Variants in SYNPR observed in about 807,000 individuals in gnomAD.
SYNPR encodes synaptoporin.
Under a neutral mutation model 32.9 loss-of-function variants are expected in SYNPR, and 23 were observed. The ratio of observed to expected loss-of-function variants is 0.70; its 90% CI spans 0.50 to 0.99. The LOEUF is 0.99. Ranked by LOEUF, SYNPR falls within the 50% of genes least tolerant of loss-of-function variation. The pLI, the probability that SYNPR is intolerant of heterozygous loss-of-function variation, is 0.00. For missense variants in SYNPR, 318 were observed against 349.3 expected, an observed-to-expected ratio of 0.91 and a Z score of 0.71; for synonymous variants, 146 against 135.9, an observed-to-expected ratio of 1.07 and a Z score of -0.52.
At chr3:63,487,674 T>C (rs2106709425) in intron 3 of SYNPR, among the ~76,000 whole-genome samples, 1 of 152,326 alleles carries the variant, frequency 6.6e-6, no homozygotes, top group South Asian at 2.1e-4. Context: ...CTTTTAACTA[T>C]TTAATGTTTA....
rs181022903 is a variant in SYNPR at position 63,408,486 on chromosome 3, A to T, written c.85-72346A>T. On this transcript the variant is annotated intron_variant, in intron 2 of 5. Coordinates refer to ENST00000478300, the MANE Select transcript of SYNPR (RefSeq NM_001130003.2). ...CTGGAGAACCAGGGAAGCTGGTAGTATGTCTCAATCTAAGTCTGAAGGCTT... is the reference window on the plus strand; with the variant it reads ...CTGGAGAACCAGGGAAGCTGGTAGTTTGTCTCAATCTAAGTCTGAAGGCTT... Among the ~76,000 whole-genome samples, 8 of 152,216 alleles carry T rather than the reference A, an allele frequency of 5.3e-5. No individual in the cohort carries two copies. In the East Asian group the frequency reaches 1.6e-3, roughly 30 times the overall value.
intron 2 of SYNPR, chr3:63,443,354 T>C: frequency 6.5e-7 from 1 of 1,543,188 alleles, no homozygotes; most frequent in African/African-American, 1.4e-5. Context: ...GACAAGTGGC[T>C]GGTGCTGTGG....
chr3:63,520,636 G>A (rs1000700647), intron 3 of SYNPR, among the ~76,000 whole-genome samples: 2 of 149,758 alleles, frequency 1.3e-5, no homozygotes, highest in African/African-American at 4.9e-5. Flanking sequence ...TTGTGCCACT[G>A]CACTCCAGCC....
intron 2 of SYNPR, among the ~76,000 whole-genome samples, chr3:63,346,695 T>C (rs193043677): frequency 0.01 from 1,544 of 152,192 alleles, 16 homozygotes; most frequent in South Asian, 0.03. Flanking sequence ...ACAGTCTTGA[T>C]CTCCTGACCT....
intron 2 of SYNPR, among the ~76,000 whole-genome samples, chr3:63,303,032 TA>T (rs944115813): frequency 2.0e-5 from 3 of 151,852 alleles, no homozygotes; most frequent in Non-Finnish European, 4.4e-5. Flanking sequence ...AAAAATTAAA[TA>T]AAAAAATTAA....
chr3:63,281,426 A>G (rs1283750903), intron 2 of SYNPR, among the ~76,000 whole-genome samples: 1 of 152,230 alleles, frequency 6.6e-6, no homozygotes, highest in Non-Finnish European at 1.5e-5. Flanking sequence ...TGCTATAACA[A>G]AACACCATAA....
At chr3:63,269,881 A>T (rs1431041496) in intron 3 of SYNPR, among the ~76,000 whole-genome samples, 1 of 152,206 alleles carries the variant, frequency 6.6e-6, no homozygotes, top group Non-Finnish European at 1.5e-5. Flanking sequence ...TTCATTCAAC[A>T]AACATTTTCT....
At chr3:63,489,133 A>C (rs947704355) in intron 3 of SYNPR, among the ~76,000 whole-genome samples, 4 of 152,144 alleles carry the variant, frequency 2.6e-5, no homozygotes, top group African/African-American at 9.7e-5. Flanking sequence ...TGGGGACATG[A>C]GACAGGGAAG....
intron 4 of SYNPR, among the ~76,000 whole-genome samples, chr3:63,570,654 A>G (rs1487028421): frequency 6.6e-6 from 1 of 152,054 alleles, no homozygotes; most frequent in Non-Finnish European, 1.5e-5. Flanking sequence ...TTCACTACCC[A>G]TGTCCTTATC....
At position 63,615,289 on chromosome 3, in the gene SYNPR, C is replaced by G; in HGVS notation, c.666C>G (p.Gly222=). 1.2e-6 allele frequency: 2 copies of G among 1,613,848 alleles called. No individual in the cohort carries two copies. Among genetic ancestry groups the G allele is most frequent in the Non-Finnish European group, 1.7e-6 (2 of 1,179,844 alleles). ...GNIWFVFKET[G]WHSSGQRYLS... is the part of the protein sequence containing the mutation. ...TATGGTTTGTTTTCAAGGAGACCGG[C>G]TGGCATTCTTCGGGACAGAGATATC... The change falls in exon 6 of 6, where the codon GGC becomes GGG. Residue 222 remains glycine, a synonymous_variant. Transcript: ENST00000478300.
intron 3 of SYNPR, among the ~76,000 whole-genome samples, chr3:63,522,023 C>G (rs1049428907): frequency 6.6e-6 from 1 of 152,194 alleles, no homozygotes; most frequent in African/African-American, 2.4e-5. Context: ...GCAAGTAGAT[C>G]TGGAGGGACA....
intron 2 of SYNPR, among the ~76,000 whole-genome samples, chr3:63,479,446 G>GCGCGCGCACACACACACACA (rs6147854): frequency 0.099 from 13,489 of 135,612 alleles, 706 homozygotes; most frequent in East Asian, 0.13. Context: ...CCACACACAT[G>GCGCGCGCACACACACACACA]CACACACACA....
intron 4 of SYNPR, among the ~76,000 whole-genome samples, chr3:63,608,008 T>C (rs771066462): frequency 2.0e-5 from 3 of 152,218 alleles, no homozygotes; most frequent in Non-Finnish European, 2.9e-5. Flanking sequence ...TGTTGGCATA[T>C]CAAATATACT....
At chr3:63,489,867 C>T (rs1284706500) in intron 3 of SYNPR, among the ~76,000 whole-genome samples, 1 of 151,916 alleles carries the variant, frequency 6.6e-6, no homozygotes, top group Non-Finnish European at 1.5e-5. Flanking sequence ...ATGTTCTAAG[C>T]AAAGAGAAAA....
chr3:63,385,903 T>C (rs2088037251), intron 2 of SYNPR, among the ~76,000 whole-genome samples: 1 of 152,222 alleles, frequency 6.6e-6, no homozygotes, highest in Non-Finnish European at 1.5e-5. Flanking sequence ...CTCAGAGAGC[T>C]AAAAGTTTTG....
the SYNPR span, among the ~76,000 whole-genome samples, chr3:63,201,980 T>C: frequency 6.6e-6 from 1 of 152,182 alleles, no homozygotes; most frequent in African/African-American, 2.4e-5. Context: ...AGAATGCCTT[T>C]TTGATAATCT....
At chr3:63,575,394 T>A (rs1702959089) in intron 4 of SYNPR, among the ~76,000 whole-genome samples, 1 of 152,104 alleles carries the variant, frequency 6.6e-6, no homozygotes, top group Non-Finnish European at 1.5e-5. Flanking sequence ...TTTCTCATCA[T>A]AAAGATGTGG....
At chr3:63,365,520 A>T (rs2087719546) in intron 2 of SYNPR, among the ~76,000 whole-genome samples, 1 of 152,238 alleles carries the variant, frequency 6.6e-6, no homozygotes, top group Non-Finnish European at 1.5e-5. Flanking sequence ...TTAGAAGTTA[A>T]CACGGGGAAA....
chr3:63,423,273 G>C (rs1357515799), intron 2 of SYNPR, among the ~76,000 whole-genome samples: 1 of 152,116 alleles, frequency 6.6e-6, no homozygotes, highest in Non-Finnish European at 1.5e-5. Context: ...ATTAGTGTTT[G>C]TTCATGCTGG....
Sources: gnomAD v4.1 joint callset for allele counts (sites outside exome capture counted in the v4.1 genomes callset) on GRCh38, gnomAD v4.1.1 for gene constraint, MANE v1.5 for transcripts, NCBI Gene and HGNC (gene_info 2026-07-23, HGNC 2026-07-21) for gene names.